The following LSM3 variants were observed in gnomAD, a reference collection of about 807,000 sequenced individuals.
LSM3 encodes the protein LSM3 homolog, U6 small nuclear RNA and mRNA degradation associated.
In LSM3, 14 loss-of-function variants were observed where a neutral mutation model predicts 15.4. The ratio of observed to expected loss-of-function variants is 0.91; its 90% CI spans 0.60 to 1.42. The LOEUF is 1.42. Among genes scored for constraint, LSM3 ranks in the 40% most tolerant of loss-of-function variants. LSM3 has a pLI of 0.00. For synonymous variants in LSM3, 46 were observed against 45.1 expected (o/e 1.02, Z -0.08); for missense variants, 88 against 127.9 (o/e 0.69, Z 1.50).
intron 2 of LSM3, 32 bp from the exon 3 acceptor site, chr3:14,183,905 A>G (rs1282696895): frequency 1.7e-5 from 26 of 1,498,526 alleles, no homozygotes; most frequent in African/African-American, 2.8e-5. Flanking sequence ...TTTGATTATT[A>G]AATTTCTTGG....
intron 3 of LSM3, among the ~76,000 whole-genome samples, chr3:14,193,872 A>G (rs932583180): frequency 2.6e-5 from 4 of 152,002 alleles, no homozygotes; most frequent in Admixed American, 6.6e-5. Context: ...GTGTTTTTGG[A>G]ATTTTCAGCC....
In LSM3 at chr3:14,186,303, T is replaced by A. The variant is rs562308852; in HGVS notation, c.228+2271T>A. On this transcript the variant is annotated intron_variant, in intron 3 of 3. Coordinates refer to ENST00000306024, the MANE Select transcript of LSM3 (RefSeq NM_014463.3). ...TACATGGATTCAAATTTTGACTCCC[T>A]TGCTTACCACCTTTTTAATTGAGCC... Among the ~76,000 whole-genome samples the A allele has an allele frequency of 3.3e-5, 5 of 152,382 alleles. No homozygotes were observed. In the South Asian group the frequency reaches 1.0e-3, roughly 32 times the overall value.
intron 3 of LSM3, 86 bp downstream of exon 3, chr3:14,184,118 C>A: frequency 6.9e-7 from 1 of 1,445,458 alleles, no homozygotes; most frequent in Non-Finnish European, 9.1e-7. Context: ...GGAAGCCTGT[C>A]ATGTTTTGAC....
chr3:14,179,020 C>T (rs1429610698), intron 1 of LSM3, 139 bp downstream of exon 1: 2 of 918,346 alleles, frequency 2.2e-6, no homozygotes, highest in Non-Finnish European at 3.4e-6. Context: ...CCGTAACCCC[C>T]CCTCCGAATT....
intron 3 of LSM3, among the ~76,000 whole-genome samples, chr3:14,192,661 C>T (rs574911117): frequency 6.6e-5 from 10 of 152,142 alleles, no homozygotes; most frequent in Non-Finnish European, 1.5e-4. Context: ...TATTTTGTGC[C>T]TATGTGTGTG....
chr3:14,188,988 T>G (rs1485880584), intron 3 of LSM3, among the ~76,000 whole-genome samples: 1 of 152,154 alleles, frequency 6.6e-6, no homozygotes, highest in Non-Finnish European at 1.5e-5. Flanking sequence ...GTGTGTGATG[T>G]TCCCCTCCCT....
Position 14,201,037 on chromosome 3 carries a change from C to T in LSM3, c.*2921C>T, listed in dbSNP as rs1409695779. The T allele has an allele frequency of 1.3e-5, 2 of 152,214 alleles. No homozygotes were observed. Among genetic ancestry groups the T allele is most frequent in the African/African-American group, 4.8e-5 (2 of 41,446 alleles). 9.4% of individuals were successfully genotyped at this position (152,214 alleles called of 1,614,324 possible). A position where few individuals can be genotyped will look rare whatever the true frequency, so the allele number is the denominator to read the frequency against. On this transcript the variant is annotated 3_prime_UTR_variant, in exon 4 of 4. Coordinates refer to ENST00000306024, the MANE Select transcript of LSM3 (RefSeq NM_014463.3). ...GAGGGGAGAAATGTTATTGTTTGAACAGATGTCAGATGTGAGTAATGCTCA... is the reference window on the plus strand; with the variant it reads ...GAGGGGAGAAATGTTATTGTTTGAATAGATGTCAGATGTGAGTAATGCTCA...
intron 3 of LSM3, 23 bp downstream of exon 3, chr3:14,184,055 T>C: frequency 1.9e-6 from 3 of 1,593,770 alleles, no homozygotes; most frequent in Middle Eastern, 1.9e-4. Context: ...ATTCTATTCA[T>C]TGCTTTGCAA....
At chr3:14,195,092 C>T (rs563238078) in intron 3 of LSM3, among the ~76,000 whole-genome samples, 5 of 152,254 alleles carry the variant, frequency 3.3e-5, no homozygotes, top group South Asian at 2.1e-4. Flanking sequence ...AATTATTCTA[C>T]GTAGGTTTCC....
chr3:14,182,427 G>C (rs373159501), intron 2 of LSM3, among the ~76,000 whole-genome samples: 1 of 150,780 alleles, frequency 6.6e-6, no homozygotes, highest in South Asian at 2.1e-4. Flanking sequence ...CTAGGATTCT[G>C]TATATGATAG....
chr3:14,182,913 A>C (rs954635701), intron 2 of LSM3, among the ~76,000 whole-genome samples: 1 of 152,222 alleles, frequency 6.6e-6, no homozygotes, highest in Non-Finnish European at 1.5e-5. Context: ...CTTCCACAAA[A>C]CCTAAAGATA....
At chr3:14,187,263 A>G (rs969738250) in intron 3 of LSM3, among the ~76,000 whole-genome samples, 2 of 152,340 alleles carry the variant, frequency 1.3e-5, no homozygotes, top group African/African-American at 2.4e-5. Context: ...ACTGACCTCC[A>G]TTAAGATTAA....
intron 1 of LSM3, among the ~76,000 whole-genome samples, chr3:14,180,545 G>T (rs867344465): frequency 1.3e-5 from 2 of 151,966 alleles, no homozygotes; most frequent in Admixed American, 6.6e-5. Context: ...TTTCTCAGCC[G>T]CCCAAAGTGC....
chr3:14,198,431 T>C lies in LSM3; in HGVS notation c.*315T>C, dbSNP rs558447447. On this transcript the variant is annotated 3_prime_UTR_variant, in exon 4 of 4. Transcript: ENST00000306024. ...CTTTAAATTGGTGTTTCCTTGTAGA[T>C]TTTTTTAAGTGCGGTCTTCTGTCTT... 1.6e-5 allele frequency: 5 copies of C among 321,770 alleles called. No homozygotes were observed. In the Admixed American group the frequency reaches 2.3e-4, roughly 15 times the overall value. The allele number at this position is 321,770 out of a possible 1,614,324, so 19.9% of individuals were successfully genotyped here.
intron 3 of LSM3, among the ~76,000 whole-genome samples, chr3:14,191,209 A>G (rs896152031): frequency 1.3e-5 from 2 of 152,144 alleles, no homozygotes; most frequent in Non-Finnish European, 2.9e-5. Context: ...GGATTTTTGC[A>G]TCGGTGTTCA....
intron 3 of LSM3, among the ~76,000 whole-genome samples, chr3:14,195,831 A>T (rs1697182593): frequency 6.6e-6 from 1 of 152,218 alleles, no homozygotes; most frequent in Non-Finnish European, 1.5e-5. Context: ...TTGGGTAGCT[A>T]GGGAAGAATC....
At chr3:14,190,239 C>T (rs1697126878) in intron 3 of LSM3, among the ~76,000 whole-genome samples, 1 of 152,148 alleles carries the variant, frequency 6.6e-6, no homozygotes, top group African/African-American at 2.4e-5. Flanking sequence ...TATGATGCCT[C>T]CAGCTTTGTT....
intron 3 of LSM3, among the ~76,000 whole-genome samples, chr3:14,193,414 C>G (rs1697159178): frequency 6.6e-6 from 1 of 152,232 alleles, no homozygotes; most frequent in African/African-American, 2.4e-5. Context: ...TGAGGTACAC[C>G]AATCAAATGT....
intron 3 of LSM3, among the ~76,000 whole-genome samples, chr3:14,193,347 T>C (rs1697158451): frequency 6.6e-6 from 1 of 152,238 alleles, no homozygotes; most frequent in East Asian, 1.9e-4. Flanking sequence ...GGGGAAGTTC[T>C]CCTGGATAAT....
Sources: gnomAD v4.1 joint callset for allele counts (sites outside exome capture counted in the v4.1 genomes callset) on GRCh38, gnomAD v4.1.1 for gene constraint, MANE v1.5 for transcripts, NCBI Gene and HGNC (gene_info 2026-07-23, HGNC 2026-07-21) for gene names.